REV1: variants seen among roughly 807,000 people sequenced by gnomAD.
REV1 encodes the protein REV1 DNA directed polymerase, also known as translesion synthesis protein REV1.
In REV1, 42 loss-of-function variants were observed where a neutral mutation model predicts 137.4. That is an observed-to-expected ratio of 0.31 (90% CI 0.24 to 0.40). The LOEUF (loss-of-function observed/expected upper bound fraction) is 0.40, where lower values mean the gene tolerates loss of function less well. REV1 is among the 10% of genes least tolerant of loss of function. The pLI, the probability that REV1 is intolerant of heterozygous loss-of-function variation, is 1.00. For synonymous variants in REV1, 524 were observed against 519.2 expected (o/e 1.01, Z -0.12); for missense variants, 1,282 against 1,490.1 (o/e 0.86, Z 2.30).
rs1675643077 is a variant in REV1, at chr2:99,402,684, A to G, written c.3501T>C (p.Asp1167=). 1.9e-6 allele frequency: 3 copies of G among 1,614,232 alleles called. No individual in the cohort carries two copies. Among genetic ancestry groups the G allele is most frequent in the South Asian group, 1.1e-5 (1 of 91,082 alleles). Residue 1167 remains aspartate, a synonymous_variant, in exon 21 of 23, where the codon GAT becomes GAC. Coordinates refer to ENST00000258428, the MANE Select transcript of REV1 (RefSeq NM_016316.4). ...PNLAGAVEFN[D]VKTLLREWIT... is the part of the protein sequence containing the mutation. ...TCCATTCTCTGAGCAAGGTCTTCACATCATTGAATTCAACAGCTCCAGCTA... is the reference window on the plus strand; with the variant it reads ...TCCATTCTCTGAGCAAGGTCTTCACGTCATTGAATTCAACAGCTCCAGCTA...
At position 99,403,093 on chromosome 2, in the gene REV1, A is replaced by G. The variant is rs1334438171; in HGVS notation, c.3180T>C (p.Pro1060=). The G allele has an allele frequency of 1.2e-6, 2 of 1,606,594 alleles. No homozygotes were observed. Among genetic ancestry groups the G allele is most frequent in the Non-Finnish European group, 1.7e-6 (2 of 1,176,478 alleles). The change falls in exon 20 of 23, where the codon CCT becomes CCC. Residue 1060 remains proline (P), a synonymous_variant. Coordinates refer to ENST00000258428, the MANE Select transcript of REV1 (RefSeq NM_016316.4). The stretch of plus-strand genomic sequence containing the variant: ...TCACTGCTGCCTTTAGATGAAGTAA[A>G]GGATTCTTTGGCACTAAGAGCAGAT... ...QSASASVPKN[P]LLHLKAAVKE...
chr2:99,421,689 A>C, intron 10 of REV1, 36 bp from the exon 11 acceptor site: 1 of 1,592,092 alleles, frequency 6.3e-7, no homozygotes, highest in South Asian at 1.1e-5. Flanking sequence ...AATCACAGCC[A>C]CAGCCACCAT....
chr2:99,404,360 A>T, intron 18 of REV1, 84 bp downstream of exon 18: 1 of 870,800 alleles, frequency 1.1e-6, no homozygotes, highest in African/African-American at 1.7e-5. Flanking sequence ...TACAGAGGAG[A>T]AAGGGAAGTG....
intron 6 of REV1, among the ~76,000 whole-genome samples, chr2:99,437,951 T>C (rs1680971740): frequency 6.6e-6 from 1 of 152,132 alleles, no homozygotes; most frequent in Non-Finnish European, 1.5e-5. Context: ...CTATAAATTA[T>C]AGAGTATTAA....
intron 2 of REV1, 131 bp downstream of exon 2, chr2:99,464,791 C>T (rs1684614777): frequency 4.9e-6 from 4 of 819,700 alleles, no homozygotes; most frequent in Admixed American, 4.3e-5. Flanking sequence ...TTTCAATACA[C>T]TGTGAAAACT....
intron 1 of REV1, among the ~76,000 whole-genome samples, chr2:99,480,773 AATAAAC>A (rs1421634536): frequency 1.3e-5 from 2 of 152,202 alleles, no homozygotes; most frequent in East Asian, 3.8e-4. Context: ...TGTAATTCCA[AATAAAC>A]ATAAAGGAAG....
chr2:99,462,113 G>A (rs1035502103), intron 3 of REV1, among the ~76,000 whole-genome samples: 22 of 152,156 alleles, frequency 1.4e-4, no homozygotes, highest in Admixed American at 9.2e-4. Flanking sequence ...TCTTCTCTAG[G>A]AAATCTGACA....
At chr2:99,489,114 G>T (rs1687402970) in intron 1 of REV1, among the ~76,000 whole-genome samples, 1 of 152,156 alleles carries the variant, frequency 6.6e-6, no homozygotes, top group African/African-American at 2.4e-5. Flanking sequence ...CGCCCAGAGC[G>T]GCGTCACTGT....
intron 1 of REV1, among the ~76,000 whole-genome samples, chr2:99,485,505 G>C (rs1687044633): frequency 6.6e-6 from 1 of 152,056 alleles, no homozygotes; most frequent in Non-Finnish European, 1.5e-5. Context: ...ATTTCAACTG[G>C]ATCTTCAAGG....
chr2:99,462,074 A>C (rs926085796), intron 3 of REV1, among the ~76,000 whole-genome samples: 2 of 152,102 alleles, frequency 1.3e-5, no homozygotes, highest in African/African-American at 2.4e-5. Flanking sequence ...GGCAGTTTAC[A>C]CTCTTCTACA....
rs1675336492 is a variant in REV1, at chr2:99,401,147, TA to T, written c.*93del. ...TTGCTTTAAAAGAAATTTAAAATTA[TA>T]AAAACTCCGAGCATTACTATCATGC... On this transcript the variant is annotated 3_prime_UTR_variant, in exon 23 of 23. Transcript: ENST00000258428. 1 of 668,714 alleles carries T rather than the reference TA, an allele frequency of 1.5e-6. No homozygotes were observed. Among genetic ancestry groups the T allele is most frequent in the Non-Finnish European group, 2.5e-6 (1 of 406,966 alleles). The allele number at this position is 668,714 out of a possible 1,614,324, so 41.4% of individuals were successfully genotyped here.
intron 1 of REV1, among the ~76,000 whole-genome samples, chr2:99,476,756 A>G (rs985989006): frequency 9.2e-5 from 14 of 152,214 alleles, no homozygotes; most frequent in Non-Finnish European, 1.8e-4. Context: ...AAGTCCCAGT[A>G]CAAATGCTGG....
chr2:99,419,205 ATTTTTTT>A (rs774732084), intron 11 of REV1, among the ~76,000 whole-genome samples: 1 of 116,016 alleles, frequency 8.6e-6, no homozygotes, highest in African/African-American at 3.3e-5. Context: ...AGCAGTCCTG[ATTTTTTT>A]TTTTTTTTTT....
chr2:99,457,681 T>G (rs1315698580), intron 3 of REV1, among the ~76,000 whole-genome samples: 1 of 143,090 alleles, frequency 7.0e-6, no homozygotes, highest in African/African-American at 2.7e-5. Flanking sequence ...TGAGACCCTG[T>G]CTCAAGAAAA....
chr2:99,484,310 C>T (rs1686924996), intron 1 of REV1, among the ~76,000 whole-genome samples: 1 of 152,004 alleles, frequency 6.6e-6, no homozygotes, highest in Non-Finnish European at 1.5e-5. Flanking sequence ...ACAATCTGTA[C>T]AACAAACCCC....
intron 4 of REV1, among the ~76,000 whole-genome samples, chr2:99,448,980 G>A (rs1450616516): frequency 6.6e-6 from 1 of 152,174 alleles, no homozygotes; most frequent in Non-Finnish European, 1.5e-5. Flanking sequence ...CAATATATTA[G>A]TTACAATTTT....
At chr2:99,443,402 C>A (rs1351710951) in intron 4 of REV1, among the ~76,000 whole-genome samples, 1 of 152,146 alleles carries the variant, frequency 6.6e-6, no homozygotes, top group Admixed American at 6.5e-5. Context: ...TTGACATTTT[C>A]ATTTTCTTAA....
At position 99,402,790 on chromosome 2, in the gene REV1, G is replaced by A. The variant is rs750140519; in HGVS notation, c.3395C>T (p.Ser1132Phe). Reference sequence around the variant, plus strand: ...GCCTGGCACACCTGAAGTAGAAGCAGAGAGTTCTTCCTGTTAAGAAAACAA... The same window carrying A: ...GCCTGGCACACCTGAAGTAGAAGCAAAGAGTTCTTCCTGTTAAGAAAACAA... ...PPAEKPLEEL[S>F]ASTSGVPGLS... The change falls in exon 21 of 23, where the codon TCT (serine) becomes TTT (phenylalanine). Residue 1132 changes from serine (S) to phenylalanine (F), a missense_variant. Ser to Phe is a radical substitution (Grantham distance 155, BLOSUM62 -2). This residue lies in a region of REV1 where 170 missense variants were observed against 156.8 expected (regional missense o/e 1.08). Coordinates refer to ENST00000258428, the MANE Select transcript of REV1 (RefSeq NM_016316.4). 3 of 1,614,202 alleles carry A rather than the reference G, an allele frequency of 1.9e-6. No homozygotes were observed. Among genetic ancestry groups the A allele is most frequent in the Non-Finnish European group, 1.7e-6 (2 of 1,180,038 alleles).
At chr2:99,401,437 C>T in intron 22 of REV1, 85 bp from the exon 23 acceptor site, 2 of 806,772 alleles carry the variant, frequency 2.5e-6, no homozygotes, top group Non-Finnish European at 1.8e-6. Flanking sequence ...TAAAAATTGA[C>T]TTTGGCAAAA....
Sources: gnomAD v4.1 joint callset for allele counts (sites outside exome capture counted in the v4.1 genomes callset) on GRCh38, gnomAD v4.1.1 for gene constraint, gnomAD v4.1.1 regional missense constraint, MANE v1.5 for transcripts, NCBI Gene and HGNC (gene_info 2026-07-23, HGNC 2026-07-21) for gene names.